Variants in FAM81A observed in about 807,000 individuals in gnomAD.
FAM81A encodes the protein protein FAM81A.
In FAM81A, 19 loss-of-function variants were observed where a neutral mutation model predicts 46.7. The observed-to-expected ratio is 0.41, with a 90% CI of 0.28 to 0.60. The LOEUF (loss-of-function observed/expected upper bound fraction) is 0.60, where lower values mean the gene tolerates loss of function less well. FAM81A is among the 20% of genes least tolerant of loss of function. The probability of loss-of-function intolerance (pLI) is 0.34; values close to 1 mark genes in which losing one functional copy is unlikely to be tolerated. For synonymous variants in FAM81A, 183 were observed against 152.9 expected (o/e 1.20, Z -1.45); for missense variants, 377 against 453.5 (o/e 0.83, Z 1.53).
chr15:59,481,090 G>A (rs1195794526), intron 3 of FAM81A, among the ~76,000 whole-genome samples: 1 of 152,004 alleles, frequency 6.6e-6, no homozygotes, highest in African/African-American at 2.4e-5. Context: ...TGCCTCCCAG[G>A]TTCAAGCAAT....
chr15:59,462,075 T>C (rs2141650010), intron 3 of FAM81A, among the ~76,000 whole-genome samples: 1 of 151,900 alleles, frequency 6.6e-6, no homozygotes. Flanking sequence ...AGGTAGCGGG[T>C]GCCTGTAGTC....
At chr15:59,450,170 A>G (rs12440926) in intron 1 of FAM81A, among the ~76,000 whole-genome samples, 1 of 148,526 alleles carries the variant, frequency 6.7e-6, no homozygotes, top group Non-Finnish European at 1.5e-5. Context: ...GGTTCAAGCC[A>G]TCTGCCGCCT....
intron 4 of FAM81A, among the ~76,000 whole-genome samples, chr15:59,493,779 G>A (rs2082005811): frequency 6.6e-6 from 1 of 152,072 alleles, no homozygotes; most frequent in African/African-American, 2.4e-5. Context: ...GTAGAGATGA[G>A]GTTTTACCAT....
chr15:59,449,145 A>G (rs560607964), intron 1 of FAM81A, among the ~76,000 whole-genome samples: 4 of 152,302 alleles, frequency 2.6e-5, no homozygotes, highest in Admixed American at 6.5e-5. Context: ...TACTTTTGCC[A>G]TGGAATTCCA....
intron 3 of FAM81A, among the ~76,000 whole-genome samples, chr15:59,471,534 C>A (rs1179979229): frequency 6.6e-6 from 1 of 152,102 alleles, no homozygotes; most frequent in African/African-American, 2.4e-5. Context: ...GCAATCATAA[C>A]TCACTGCAGC....
At chr15:59,441,603 G>T (rs1596472885) in intron 1 of FAM81A, among the ~76,000 whole-genome samples, 1 of 152,184 alleles carries the variant, frequency 6.6e-6, no homozygotes. Flanking sequence ...TGTTGAAACT[G>T]CTTCCTCAGA....
chr15:59,499,625 G>A (rs1208683921), intron 4 of FAM81A, among the ~76,000 whole-genome samples: 1 of 151,870 alleles, frequency 6.6e-6, no homozygotes, highest in Non-Finnish European at 1.5e-5. Flanking sequence ...TTGTTTTTCT[G>A]GGATGTCTTT....
At position 59,521,445 on chromosome 15, in the gene FAM81A, G is replaced by A; in HGVS notation, c.*67G>A. On this transcript the variant is annotated 3_prime_UTR_variant, in exon 9 of 9. Coordinates refer to ENST00000288228, the MANE Select transcript of FAM81A (RefSeq NM_152450.3). ...GGGCTAGGAGCCGGATACCTCTGTA[G>A]CCAGGCCATCGCTGCATTCAGGATT... 1 of 1,515,292 alleles carries A rather than the reference G, an allele frequency of 6.6e-7. No homozygotes were observed. The allele number at this position is 1,515,292 out of a possible 1,614,324, so 93.9% of individuals were successfully genotyped here.
chr15:59,469,920 A>G (rs2081663506), intron 3 of FAM81A, among the ~76,000 whole-genome samples: 1 of 152,108 alleles, frequency 6.6e-6, no homozygotes, highest in Admixed American at 6.5e-5. Context: ...GGTGGTGACA[A>G]AATCTCTCAG....
chr15:59,463,461 A>G (rs1249139130), intron 3 of FAM81A, among the ~76,000 whole-genome samples: 2 of 152,156 alleles, frequency 1.3e-5, no homozygotes, highest in Non-Finnish European at 2.9e-5. Flanking sequence ...GGACTAGTCT[A>G]TGTCCTTTGC....
intron 3 of FAM81A, among the ~76,000 whole-genome samples, chr15:59,483,931 T>A (rs1042172886): frequency 6.6e-6 from 1 of 152,148 alleles, no homozygotes; most frequent in South Asian, 2.1e-4. Context: ...CGTTCCCCAC[T>A]GCCTCTCAGC....
intron 2 of FAM81A, among the ~76,000 whole-genome samples, chr15:59,425,298 TA>T (rs1259198046): frequency 1.3e-5 from 2 of 152,184 alleles, no homozygotes; most frequent in African/African-American, 2.4e-5. Context: ...TAAAATGACT[TA>T]CCCCAAATCA....
chr15:59,422,566 T>A (rs2081178729), intron 2 of FAM81A, among the ~76,000 whole-genome samples: 1 of 152,102 alleles, frequency 6.6e-6, no homozygotes, highest in Non-Finnish European at 1.5e-5. Flanking sequence ...AACCTCCGCC[T>A]CCCGGGTTCA....
rs567768146 is a variant in FAM81A at position 59,419,765 on chromosome 15, T to C, written c.-78+17407T>C. 2.0e-4 allele frequency among the ~76,000 whole-genome samples: 31 copies of C among 152,092 alleles called. No homozygotes were observed. The South Asian group carries it at 6.4e-3, about 32-fold the overall frequency. On this transcript the variant is annotated intron_variant, in intron 2 of 4. Transcript: ENST00000558348. ...GGCGGACGCCTGTAATCTCAACTAC[T>C]TGGGAGGCTGAGGCAGGAGAATTGC...
intron 3 of FAM81A, among the ~76,000 whole-genome samples, chr15:59,488,091 T>C (rs577278578): frequency 1.4e-4 from 22 of 152,184 alleles, no homozygotes; most frequent in Non-Finnish European, 2.1e-4. Context: ...TGGGATTCAT[T>C]CCAGGGATGC....
intron 1 of FAM81A, among the ~76,000 whole-genome samples, chr15:59,398,461 T>C (rs1471374959): frequency 6.6e-6 from 1 of 152,080 alleles, no homozygotes; most frequent in African/African-American, 2.4e-5. Flanking sequence ...CATAAAGTCA[T>C]TAGAACATGA....
intron 1 of FAM81A, among the ~76,000 whole-genome samples, chr15:59,443,483 G>A (rs748304494): frequency 2.6e-5 from 4 of 152,158 alleles, no homozygotes; most frequent in African/African-American, 9.7e-5. Context: ...ATCTGGGACC[G>A]TTTCCCAGTC....
At chr15:59,399,515 T>C (rs866933048) in intron 1 of FAM81A, among the ~76,000 whole-genome samples, 2 of 152,054 alleles carry the variant, frequency 1.3e-5, no homozygotes, top group Non-Finnish European at 2.9e-5. Flanking sequence ...CAGAAAGATA[T>C]GGTATCTGAG....
chr15:59,446,726 G>C (rs2081357667), intron 1 of FAM81A: 1 of 152,136 alleles, frequency 6.6e-6, no homozygotes, highest in Admixed American at 6.5e-5. Context: ...ATACTGTGCT[G>C]GCATCACTCC....
Sources: gnomAD v4.1 joint callset for allele counts (sites outside exome capture counted in the v4.1 genomes callset) on GRCh38, gnomAD v4.1.1 for gene constraint, MANE v1.5 for transcripts, NCBI Gene and HGNC (gene_info 2026-07-23, HGNC 2026-07-21) for gene names.